Variants in MUC20 observed in about 807,000 individuals in gnomAD.
MUC20 encodes the protein mucin 20, cell surface associated.
Under a neutral mutation model 23.8 loss-of-function variants are expected in MUC20, and 14 were observed. That is an observed-to-expected ratio of 0.59 (90% CI 0.39 to 0.92). The LOEUF (loss-of-function observed/expected upper bound fraction) is 0.92, where lower values mean the gene tolerates loss of function less well. MUC20 is among the 40% of genes least tolerant of loss of function. MUC20 has a pLI of 0.00. For missense variants in MUC20, 375 were observed against 668.8 expected, an observed-to-expected ratio of 0.56 and a Z score of 4.85; for synonymous variants, 166 against 279.3, an observed-to-expected ratio of 0.59 and a Z score of 4.04.
chr3:195,733,020 A>G (rs1434048539), intron 3 of MUC20, 130 bp from the exon 4 acceptor site: 3 of 937,722 alleles, frequency 3.2e-6, no homozygotes, highest in South Asian at 1.5e-5. Flanking sequence ...TGTGTCCAGC[A>G]TGTAGGAGGC....
At chr3:195,722,844 C>T (rs201028540) in intron 1 of MUC20, 28,961 of 936,836 alleles carry the variant, frequency 0.031, no homozygotes, top group Middle Eastern at 0.055. Flanking sequence ...GCAGCTGGGC[C>T]GCACTGGACC....
At chr3:195,726,983 C>T (rs1405204292) in intron 2 of MUC20, among the ~76,000 whole-genome samples, 2 of 152,298 alleles carry the variant, frequency 1.3e-5, no homozygotes, top group African/African-American at 2.4e-5. Flanking sequence ...GCCATAGCCA[C>T]ACAGAGGAGC....
At position 195,729,712 on chromosome 3, in the gene MUC20, C is replaced by T. The variant is rs1404369982; in HGVS notation, c.2034C>T (p.Pro678=). ...CTTCCCCGGAAGACCTCACTGACCC[C>T]AGAGTGGCAGAAAGGCTGATGCAGC... ...SVASPEDLTD[P]RVAERLMQQL... The change falls in exon 3 of 4, where the codon CCC becomes CCT. Residue 678 remains proline, a synonymous_variant. Transcript: ENST00000447234. 1 of 1,598,006 alleles carries T rather than the reference C, an allele frequency of 6.3e-7. No homozygotes were observed. The highest frequency in any genetic ancestry group is 1.3e-5 in the African/African-American group (1 of 74,594).
At chr3:195,727,775 C>T (rs1279422158) in intron 2 of MUC20, among the ~76,000 whole-genome samples, 1 of 152,074 alleles carries the variant, frequency 6.6e-6, no homozygotes, top group Non-Finnish European at 1.5e-5. Flanking sequence ...TATCTGATGC[C>T]AGGCAGTGTG....
At chr3:195,723,292 G>A (rs1712338723) in intron 1 of MUC20, among the ~76,000 whole-genome samples, 1 of 130,058 alleles carries the variant, frequency 7.7e-6, no homozygotes, top group Non-Finnish European at 1.7e-5. Context: ...CCTGGGGAGA[G>A]GTGCTAGGCC....
At chr3:195,730,571 C>T (rs1713287855) in intron 3 of MUC20, among the ~76,000 whole-genome samples, 1 of 152,110 alleles carries the variant, frequency 6.6e-6, no homozygotes, top group East Asian at 1.9e-4. Flanking sequence ...AGAATAGTCT[C>T]AATCTCCTGA....
At position 195,725,958 on chromosome 3, in the gene MUC20, C is replaced by T. The variant is rs1250483810; in HGVS notation, c.1355C>T (p.Ala452Val). ...CTCATCCCCACGGAAGGGGTGAAGG[C>T]CTCGTCCACCTCCGATCCACCAGCT... ...TDLIPTEGVKASSTSDPPALP... is the reference protein window; with the variant it reads ...TDLIPTEGVKVSSTSDPPALP... Residue 452 changes from alanine (A) to valine (V), a missense_variant, in exon 2 of 4, where the codon GCC (alanine) becomes GTC (valine). Around this residue, in one of 4 missense-constraint regions of MUC20, gnomAD observed 343 missense variants for 340.2 expected, o/e 1.01. Coordinates refer to ENST00000447234, the MANE Select transcript of MUC20 (RefSeq NM_001282506.2). The T allele has an allele frequency of 6.2e-7, 1 of 1,613,840 alleles. No homozygotes were observed. The highest frequency in any genetic ancestry group is 1.3e-5 in the African/African-American group (1 of 74,912).
Position 195,729,686 on chromosome 3 carries a change from G to T in MUC20, c.2008G>T (p.Ala670Ser). ...TTTCCTCCTCCTGCGGCTGAGTGTG[G>T]CTTCCCCGGAAGACCTCACTGACCC... ...GGFLLLRLSV[A>S]SPEDLTDPRV... is the part of the protein sequence containing the mutation. Residue 670 changes from alanine (A) to serine (S), a missense_variant, in exon 3 of 4, where the codon GCT becomes TCT. Physicochemically the swap from Ala to Ser is moderately conservative, Grantham distance 99 (BLOSUM62 1). This residue lies in a region of MUC20 where 343 missense variants were observed against 340.2 expected (regional missense o/e 1.01). Coordinates refer to ENST00000447234, the MANE Select transcript of MUC20 (RefSeq NM_001282506.2). The T allele has an allele frequency of 6.3e-7, 1 of 1,596,756 alleles. No homozygotes were observed.
At chr3:195,726,941 A>C (rs1712752202) in intron 2 of MUC20, among the ~76,000 whole-genome samples, 1 of 152,256 alleles carries the variant, frequency 6.6e-6, no homozygotes, top group Non-Finnish European at 1.5e-5. Context: ...TGTGAAGTGC[A>C]CTGTTGAGCA....
In MUC20 at chr3:195,726,477, T is replaced by G. The variant is rs1447645301; in HGVS notation, c.1874T>G (p.Leu625Ter). Residue 625 changes from leucine to a stop codon, truncating the protein, a stop_gained, in exon 2 of 4, where the codon TTA (leucine) becomes TGA (stop). Transcript: ENST00000447234. LOFTEE classifies it high-confidence loss of function. ...TNSSRGTNST[L>*]AKITTSAKTT... ...AGCAGCCGAGGGACGAACAGCACCT[T>G]AGCCAAGATCACAACCTCAGCGAAG... The G allele has an allele frequency of 1.2e-6, 2 of 1,614,022 alleles. No individual in the cohort carries two copies. The highest frequency in any genetic ancestry group is 1.7e-5 in the Admixed American group (1 of 60,036).
At position 195,725,793 on chromosome 3, in the gene MUC20, C is replaced by G. The variant is rs1445302203; in HGVS notation, c.1190C>G (p.Thr397Ser). Reference sequence around the variant, plus strand: ...TCCGACGGCCCCCATCCAGTCATCACCCCCTCATGGTCCCCGGGATCTGAC... The same window carrying G: ...TCCGACGGCCCCCATCCAGTCATCAGCCCCTCATGGTCCCCGGGATCTGAC... ...ASSDGPHPVI[T>S]PSWSPGSDVT... The change falls in exon 2 of 4, where the codon ACC becomes AGC. Residue 397 changes from threonine (T) to serine (S), a missense_variant. By Grantham distance (58) the Thr-to-Ser change is moderately conservative. Transcript: ENST00000447234. The G allele has an allele frequency of 1.4e-6, 2 of 1,394,990 alleles. No homozygotes were observed. The highest frequency in any genetic ancestry group is 3.0e-5 in the African/African-American group (2 of 66,376). The allele number at this position is 1,394,990 out of a possible 1,614,324, so 86.4% of individuals were successfully genotyped here.
intron 2 of MUC20, chr3:195,729,436 C>T (rs1455052723): frequency 1.8e-6 from 1 of 549,190 alleles, no homozygotes; most frequent in Non-Finnish European, 3.2e-6. Context: ...CCTGCCTCAG[C>T]CTCCTGAGTA....
chr3:195,727,970 T>C (rs1193164796), intron 2 of MUC20, among the ~76,000 whole-genome samples: 1 of 148,460 alleles, frequency 6.7e-6, no homozygotes, highest in East Asian at 1.9e-4. Flanking sequence ...TATGTTATGA[T>C]GCCAGGCAGT....
intron 3 of MUC20, chr3:195,729,955 A>C: frequency 1.7e-6 from 1 of 590,646 alleles, no homozygotes; most frequent in South Asian, 2.1e-5. Flanking sequence ...CAATGTAAAC[A>C]TGTGACTCCT....
At chr3:195,729,800 A>C (rs1377730766) in intron 3 of MUC20, 61 bp downstream of exon 3, 1 of 1,467,854 alleles carries the variant, frequency 6.8e-7, no homozygotes, top group Non-Finnish European at 9.3e-7. Context: ...CAGGGGCTGC[A>C]GGGAAGACCC....
At chr3:195,730,563 A>G (rs113378549) in intron 3 of MUC20, among the ~76,000 whole-genome samples, 4,310 of 151,640 alleles carry the variant, frequency 0.028, 78 homozygotes, top group African/African-American at 0.098. Flanking sequence ...TGTTAGCCAG[A>G]ATAGTCTCAA....
At chr3:195,723,120 A>G (rs1577838275) in intron 1 of MUC20, among the ~76,000 whole-genome samples, 1 of 151,752 alleles carries the variant, frequency 6.6e-6, no homozygotes, top group Middle Eastern at 3.4e-3. Flanking sequence ...TGGCCTGGCT[A>G]GTAGGAGGCT....
At chr3:195,727,360 A>T (rs1236116686) in intron 2 of MUC20, among the ~76,000 whole-genome samples, 35 of 152,266 alleles carry the variant, frequency 2.3e-4, no homozygotes, top group Non-Finnish European at 4.0e-4. Flanking sequence ...AGACGGAGTG[A>T]AACTCCGTCT....
chr3:195,733,276 C>T lies in MUC20; in HGVS notation c.*58C>T, dbSNP rs545242772. The T allele has an allele frequency of 1.9e-6, 3 of 1,555,380 alleles. No homozygotes were observed. The highest frequency in any genetic ancestry group is 2.4e-5 in the East Asian group (1 of 41,024). On this transcript the variant is annotated 3_prime_UTR_variant, in exon 4 of 4. Coordinates refer to ENST00000447234, the MANE Select transcript of MUC20 (RefSeq NM_001282506.2). ...TGCCAAAAGAGGGTGCTGCCCCTAG[C>T]CTGGGCCCCCACCGACAGACTGCAG...
Sources: allele counts gnomAD v4.1 joint callset (sites outside exome capture counted in the v4.1 genomes callset), GRCh38; gene constraint gnomAD v4.1.1; regional missense constraint gnomAD v4.1.1; transcripts MANE v1.5; gene names NCBI Gene and HGNC (gene_info 2026-07-23, HGNC 2026-07-21).